Variants in CDH4 observed in about 807,000 individuals in gnomAD.
The protein encoded by CDH4 is cadherin-4.
In CDH4, 33 loss-of-function variants were observed where a neutral mutation model predicts 86.0. The observed-to-expected ratio is 0.38, with a 90% CI of 0.29 to 0.51. CDH4 has a LOEUF of 0.51. CDH4 is among the 20% of genes least tolerant of loss of function. CDH4 has a pLI of 0.86. For missense variants in CDH4, 1,114 were observed against 1,307.4 expected, an observed-to-expected ratio of 0.85 and a Z score of 2.28; for synonymous variants, 555 against 549.4, an observed-to-expected ratio of 1.01 and a Z score of -0.14.
chr20:61,571,683 C>G (rs1318642121), intron 2 of CDH4, among the ~76,000 whole-genome samples: 1 of 152,158 alleles, frequency 6.6e-6, no homozygotes, highest in Non-Finnish European at 1.5e-5. Flanking sequence ...TGAAATAAGA[C>G]TACATGGCTG....
chr20:61,887,765 T>A (rs980179410), intron 7 of CDH4, among the ~76,000 whole-genome samples: 1 of 152,218 alleles, frequency 6.6e-6, no homozygotes, highest in African/African-American at 2.4e-5. Context: ...GATCCCTCCC[T>A]TTCCTGCCGG....
At chr20:61,577,868 A>T (rs1210957892) in intron 2 of CDH4, among the ~76,000 whole-genome samples, 1 of 152,192 alleles carries the variant, frequency 6.6e-6, no homozygotes, top group Non-Finnish European at 1.5e-5. Context: ...CCTGTGGATC[A>T]TCTAAGAAGC....
intron 3 of CDH4, 28 bp from the exon 4 acceptor site, chr20:61,772,975 G>T: frequency 6.3e-7 from 1 of 1,592,190 alleles, no homozygotes. Flanking sequence ...GGACTTCTCT[G>T]CCTCTTCTCT....
At chr20:61,908,334 A>G (rs2054813990) in intron 8 of CDH4, among the ~76,000 whole-genome samples, 1 of 152,082 alleles carries the variant, frequency 6.6e-6, no homozygotes, top group Non-Finnish European at 1.5e-5. Flanking sequence ...TCCTTCATTC[A>G]TTGATTGGGC....
At position 61,517,588 on chromosome 20, in the gene CDH4, AC is replaced by A. The variant is rs2085831302; in HGVS notation, c.170-225974del. Among the ~76,000 whole-genome samples, 1 of 151,828 alleles carries A rather than the reference AC, an allele frequency of 6.6e-6. No individual in the cohort carries two copies. The highest frequency in any genetic ancestry group is 1.5e-5 in the Non-Finnish European group (1 of 67,962). On this transcript the variant is annotated intron_variant, in intron 2 of 15. Transcript: ENST00000614565. This position sits in a 1 kb window ranked among gnomAD's most constrained non-coding sequence, Gnocchi z 6.6. ...TTCAAGCACAATTCCTGCCTTCTTC[AC>A]TCCTGACCTTGGAACTTGGCGGGTG...
At chr20:61,917,783 C>T (rs1206234289) in intron 9 of CDH4, among the ~76,000 whole-genome samples, 3 of 152,250 alleles carry the variant, frequency 2.0e-5, no homozygotes, top group Non-Finnish European at 2.9e-5. Flanking sequence ...CCACCCTAAT[C>T]GAAACTGCTG....
In CDH4 at chr20:61,653,585, G is replaced by A. The variant is rs1322873573; in HGVS notation, c.170-89978G>A. Among the ~76,000 whole-genome samples the A allele has an allele frequency of 1.1e-3, 151 of 142,220 alleles. 2 individuals carry two copies. The highest frequency in any genetic ancestry group is 3.7e-3 in the African/African-American group (146 of 39,392). The allele number at this position is 142,220 out of a possible 152,430, so 93.3% of individuals were successfully genotyped here. A position where few individuals can be genotyped will look rare whatever the true frequency, so the allele number is the denominator to read the frequency against. ...GGGGGCTGACCCCCACCTCCCTCCC[G>A]GACGGGGTGGCTGCCGGGCAGAGAC... On this transcript the variant is annotated intron_variant, in intron 2 of 15. Coordinates refer to ENST00000614565, the MANE Select transcript of CDH4 (RefSeq NM_001794.5).
chr20:61,262,881 TCTCC>T (rs986497589), intron 2 of CDH4, among the ~76,000 whole-genome samples: 5 of 132,246 alleles, frequency 3.8e-5, no homozygotes, highest in Non-Finnish European at 6.4e-5. Flanking sequence ...TCCCTTGCTC[TCTCC>T]CTCCCTCCCT....
intron 2 of CDH4, among the ~76,000 whole-genome samples, chr20:61,402,572 G>A (rs1452924008): frequency 6.6e-6 from 1 of 152,124 alleles, no homozygotes; most frequent in Non-Finnish European, 1.5e-5. Flanking sequence ...TTGATTTTTA[G>A]TAGAGATGGG....
chr20:61,420,250 G>T (rs62199126), intron 2 of CDH4, among the ~76,000 whole-genome samples: 1 of 152,260 alleles, frequency 6.6e-6, no homozygotes, highest in Non-Finnish European at 1.5e-5. Context: ...GCGGGGAAAC[G>T]CAGGGAGAGG....
chr20:61,848,218 A>G (rs991436751), intron 5 of CDH4, among the ~76,000 whole-genome samples: 2 of 151,718 alleles, frequency 1.3e-5, no homozygotes, highest in Admixed American at 1.3e-4. Flanking sequence ...GGCCTCCCAC[A>G]CTCCCCACCT....
chr20:61,336,271 A>G (rs1568803269), intron 2 of CDH4, among the ~76,000 whole-genome samples: 1 of 152,134 alleles, frequency 6.6e-6, no homozygotes, highest in Non-Finnish European at 1.5e-5. Flanking sequence ...CAGTGGGGAT[A>G]TTTTGAAGGT....
chr20:61,818,240 G>T (rs554492678), intron 4 of CDH4, among the ~76,000 whole-genome samples: 1 of 152,188 alleles, frequency 6.6e-6, no homozygotes, highest in Non-Finnish European at 1.5e-5. Context: ...CAGACAGTGA[G>T]GAGGGCTTGG....
intron 2 of CDH4, among the ~76,000 whole-genome samples, chr20:61,395,651 G>A (rs936628216): frequency 3.3e-5 from 5 of 152,102 alleles, no homozygotes; most frequent in African/African-American, 7.2e-5. Flanking sequence ...ATGGTGGTTC[G>A]TGCCTATAGG....
In CDH4 at chr20:61,810,266, T is replaced by C. The variant is rs1429037444; in HGVS notation, c.577-34402T>C. ...GGCCACCCACATGGATGTGTGGGTA[T>C]GGCCACATGTGGCTATCCACCGGGC... On this transcript the variant is annotated intron_variant, in intron 4 of 15. Coordinates refer to ENST00000614565, the MANE Select transcript of CDH4 (RefSeq NM_001794.5). This position sits in a 1 kb window ranked among gnomAD's most constrained non-coding sequence, Gnocchi z 4.3. Among the ~76,000 whole-genome samples the C allele has an allele frequency of 6.6e-6, 1 of 152,194 alleles. No individual in the cohort carries two copies. Among genetic ancestry groups the C allele is most frequent in the African/African-American group, 2.4e-5 (1 of 41,458 alleles).
intron 2 of CDH4, among the ~76,000 whole-genome samples, chr20:61,606,966 G>A (rs62200485): frequency 0.18 from 27,217 of 152,200 alleles, 3,101 homozygotes; most frequent in South Asian, 0.34. Context: ...TGAGTCAAAG[G>A]TCTGCTGAGT....
chr20:61,926,834 T>C (rs1433757067), intron 11 of CDH4, among the ~76,000 whole-genome samples: 3 of 152,036 alleles, frequency 2.0e-5, no homozygotes, highest in East Asian at 1.9e-4. Flanking sequence ...GATCGCCCCA[T>C]TGAACTCAAG....
intron 2 of CDH4, among the ~76,000 whole-genome samples, chr20:61,432,094 T>C (rs943994897): frequency 1.3e-5 from 2 of 152,244 alleles, no homozygotes; most frequent in African/African-American, 4.8e-5. Context: ...TGAATAAAGC[T>C]GCTGTCCACA....
At chr20:61,351,101 C>G (rs144934488) in intron 2 of CDH4, among the ~76,000 whole-genome samples, 137 of 152,256 alleles carry the variant, frequency 9.0e-4, no homozygotes, top group East Asian at 7.4e-3. Flanking sequence ...AGCCCGTGCT[C>G]AAGGCCTGCT....
Sources: allele counts gnomAD v4.1 joint callset (sites outside exome capture counted in the v4.1 genomes callset), GRCh38; gene constraint gnomAD v4.1.1; non-coding constraint Gnocchi (gnomAD v3.1); transcripts MANE v1.5; gene names NCBI Gene and HGNC (gene_info 2026-07-23, HGNC 2026-07-21).